Variants in HYCC2 observed in about 807,000 individuals in gnomAD.
The protein encoded by HYCC2 is hyccin PI4KA lipid kinase complex subunit 2.
the HYCC2 span, among the ~76,000 whole-genome samples, chr2:201,008,202 G>A: frequency 1.3e-5 from 2 of 152,084 alleles, no homozygotes; most frequent in African/African-American, 2.4e-5. Flanking sequence ...TTTCAGGTAC[G>A]AATCCCATTC....
chr2:200,987,511 T>A, the HYCC2 span: 2 of 1,289,828 alleles, frequency 1.6e-6, no homozygotes, highest in Non-Finnish European at 2.0e-6. Context: ...CGAGTCAGCC[T>A]CGTTTGAGAA....
At chr2:200,997,568 G>T in the HYCC2 span, 1 of 1,424,910 alleles carries the variant, frequency 7.0e-7, no homozygotes. Flanking sequence ...AAGGTTAAAA[G>T]GATTACAAAT....
At chr2:201,017,196 T>G in the HYCC2 span, 1 of 1,563,600 alleles carries the variant, frequency 6.4e-7, no homozygotes, top group East Asian at 2.3e-5. Flanking sequence ...AGTGCACTGG[T>G]CATTTCAATT....
the HYCC2 span, among the ~76,000 whole-genome samples, chr2:201,050,206 C>A: frequency 6.7e-6 from 1 of 149,952 alleles, no homozygotes. Context: ...AGAGTGACAC[C>A]CTGTCTCAAA....
chr2:201,011,866 C>A, the HYCC2 span, among the ~76,000 whole-genome samples: 1 of 152,014 alleles, frequency 6.6e-6, no homozygotes, highest in East Asian at 1.9e-4. Context: ...AAAGTCTTAT[C>A]CAAGAGATCC....
At chr2:201,045,771 A>T in the HYCC2 span, among the ~76,000 whole-genome samples, 1 of 152,178 alleles carries the variant, frequency 6.6e-6, no homozygotes, top group Non-Finnish European at 1.5e-5. Context: ...AAACCTAATT[A>T]AAAAGCATTA....
the HYCC2 span, among the ~76,000 whole-genome samples, chr2:200,994,855 G>A: frequency 7.9e-5 from 12 of 151,930 alleles, no homozygotes; most frequent in Admixed American, 7.9e-4. Flanking sequence ...TTAAAAATTA[G>A]CCAAGTATGG....
the HYCC2 span, among the ~76,000 whole-genome samples, chr2:201,040,658 T>C: frequency 2.0e-4 from 30 of 152,168 alleles, no homozygotes; most frequent in African/African-American, 7.2e-4. Context: ...CTAATTTTTT[T>C]ATTTTTAGTA....
At chr2:201,050,107 G>A in the HYCC2 span, among the ~76,000 whole-genome samples, 1 of 151,690 alleles carries the variant, frequency 6.6e-6, no homozygotes. Context: ...AGCTACTCAA[G>A]AGCCTGTGAG....
At chr2:201,020,311 G>A in the HYCC2 span, among the ~76,000 whole-genome samples, 1 of 152,106 alleles carries the variant, frequency 6.6e-6, no homozygotes. Context: ...TAATTACTAA[G>A]AGACATGATA....
the HYCC2 span, among the ~76,000 whole-genome samples, chr2:201,013,479 CAAAAAAAA>C: frequency 1.2e-4 from 8 of 66,320 alleles, no homozygotes; most frequent in South Asian, 5.3e-4. Context: ...CACTCCATTT[CAAAAAAAA>C]AAAAAAAAAA....
At chr2:201,060,160 A>AGT in the HYCC2 span, among the ~76,000 whole-genome samples, 1 of 151,340 alleles carries the variant, frequency 6.6e-6, no homozygotes, top group Non-Finnish European at 1.5e-5. Flanking sequence ...GTACATAGTT[A>AGT]GCACTTAATT....
chr2:201,037,346 C>T, the HYCC2 span, among the ~76,000 whole-genome samples: 2 of 152,188 alleles, frequency 1.3e-5, no homozygotes, highest in African/African-American at 2.4e-5. Context: ...ATTGCCATCC[C>T]CATCAAGCTA....
the HYCC2 span, chr2:201,045,618 T>C: frequency 2.5e-6 from 1 of 397,512 alleles, no homozygotes; most frequent in East Asian, 3.6e-5. Flanking sequence ...AATAGAAAAC[T>C]GAAATATTGA....
the HYCC2 span, chr2:200,977,696 C>T: frequency 6.6e-6 from 1 of 152,124 alleles, no homozygotes; most frequent in Non-Finnish European, 1.5e-5. Context: ...ACTAAAAATA[C>T]AAAAATTAGC....
chr2:201,022,234 G>T, the HYCC2 span: 2 of 473,568 alleles, frequency 4.2e-6, no homozygotes, highest in Non-Finnish European at 3.8e-6. Context: ...GATAATGTGT[G>T]TATTTTGCAT....
At chr2:200,994,487 T>C in the HYCC2 span, among the ~76,000 whole-genome samples, 2 of 152,124 alleles carry the variant, frequency 1.3e-5, no homozygotes, top group African/African-American at 4.8e-5. Context: ...TCTGCCCACC[T>C]TGGACTCCCA....
the HYCC2 span, among the ~76,000 whole-genome samples, chr2:201,035,592 T>A: frequency 6.6e-6 from 1 of 152,200 alleles, no homozygotes; most frequent in Non-Finnish European, 1.5e-5. Context: ...GAAGCCTTCT[T>A]CTCTCAACTC....
At chr2:201,002,819 G>A in the HYCC2 span, among the ~76,000 whole-genome samples, 8 of 151,978 alleles carry the variant, frequency 5.3e-5, no homozygotes, top group South Asian at 2.1e-4. Context: ...CACTGCACCC[G>A]GCCACAGATA....
Sources: allele counts gnomAD v4.1 joint callset (sites outside exome capture counted in the v4.1 genomes callset), GRCh38; gene constraint gnomAD v4.1.1; transcripts MANE v1.5; gene names NCBI Gene and HGNC (gene_info 2026-07-23, HGNC 2026-07-21).